Variants in MYOCD observed in about 807,000 individuals in gnomAD.
MYOCD encodes myocardin.
In MYOCD, 32 loss-of-function variants were observed where a neutral mutation model predicts 96.1. The observed-to-expected ratio is 0.33, with a 90% CI of 0.25 to 0.45. The LOEUF (loss-of-function observed/expected upper bound fraction) is 0.45, where lower values mean the gene tolerates loss of function less well. MYOCD is among the 20% of genes least tolerant of loss of function. MYOCD has a pLI of 1.00. For synonymous variants in MYOCD, 469 were observed against 469.0 expected (o/e 1.00, Z 0.00); for missense variants, 1,133 against 1,200.6 (o/e 0.94, Z 0.83).
intron 1 of MYOCD, 171 bp from the exon 2 acceptor site, chr17:12,704,957 G>A: frequency 3.4e-6 from 2 of 592,328 alleles, no homozygotes; most frequent in South Asian, 2.2e-5. Context: ...AACCTTCTCA[G>A]CTTCTCTCCT....
intron 2 of MYOCD, among the ~76,000 whole-genome samples, chr17:12,712,632 A>G (rs1332013844): frequency 6.6e-6 from 1 of 152,154 alleles, no homozygotes; most frequent in African/African-American, 2.4e-5. Context: ...CAAATTAGCG[A>G]TAGCTTTGGG....
chr17:12,691,952 A>G (rs2030470418), intron 1 of MYOCD, among the ~76,000 whole-genome samples: 1 of 152,234 alleles, frequency 6.6e-6, no homozygotes, highest in South Asian at 2.1e-4. Flanking sequence ...CAAGACTGGC[A>G]CTTTTCAATT....
intron 7 of MYOCD, among the ~76,000 whole-genome samples, chr17:12,743,710 C>G (rs1298608751): frequency 6.6e-6 from 1 of 151,984 alleles, no homozygotes. Flanking sequence ...TCAGGCTAGT[C>G]TCGAACTCAT....
chr17:12,714,875 C>A (rs978317373), intron 2 of MYOCD, among the ~76,000 whole-genome samples: 1 of 152,148 alleles, frequency 6.6e-6, no homozygotes, highest in African/African-American at 2.4e-5. Flanking sequence ...ATGCTCCTAG[C>A]CCTAACTGAT....
intron 7 of MYOCD, among the ~76,000 whole-genome samples, chr17:12,740,089 C>T (rs1026599364): frequency 1.3e-5 from 2 of 152,166 alleles, no homozygotes; most frequent in Admixed American, 6.5e-5. Flanking sequence ...GCTCCCGCCA[C>T]CATGCCCGGC....
intron 13 of MYOCD, 189 bp downstream of exon 13, chr17:12,760,896 C>A: frequency 1.8e-6 from 1 of 565,006 alleles, no homozygotes. Flanking sequence ...GTGGATGATT[C>A]CTCACTGCCT....
At position 12,736,301 on chromosome 17, in the gene MYOCD, G is replaced by T. The variant is rs779226555; in HGVS notation, c.556G>T (p.Asp186Tyr). ...AGSPPDAKAS[D>Y]TPSTGSLGTN... The stretch of plus-strand genomic sequence containing the variant: ...ATCCCCGCCAGACGCTAAAGCCTCA[G>T]ATACCCCTTCGACAGGTTCTCTGGG... Residue 186 changes from aspartate to tyrosine, a missense_variant, in exon 6 of 14, where the codon GAT (aspartate) becomes TAT (tyrosine). Asp to Tyr is a radical substitution (Grantham distance 160). Transcript: ENST00000425538. 6.2e-7 allele frequency: 1 copy of T among 1,614,188 alleles called. No homozygotes were observed. Among genetic ancestry groups the T allele is most frequent in the Non-Finnish European group, 8.5e-7 (1 of 1,180,028 alleles).
chr17:12,724,194 T>C (rs1349856746), intron 5 of MYOCD, among the ~76,000 whole-genome samples: 3 of 152,182 alleles, frequency 2.0e-5, no homozygotes, highest in Non-Finnish European at 2.9e-5. Flanking sequence ...GCATCTCTTA[T>C]TGTTTCTTAA....
At chr17:12,705,282 C>T (rs2031244973) in intron 2 of MYOCD, 89 bp downstream of exon 2, 3 of 848,964 alleles carry the variant, frequency 3.5e-6, no homozygotes, top group Non-Finnish European at 5.8e-6. Context: ...TTAGTTTAAG[C>T]CAATGCATTG....
At chr17:12,695,110 A>G (rs2030682524) in intron 1 of MYOCD, among the ~76,000 whole-genome samples, 1 of 152,202 alleles carries the variant, frequency 6.6e-6, no homozygotes, top group Admixed American at 6.5e-5. Context: ...TTTAGAGATG[A>G]TCTTAGTCCA....
intron 5 of MYOCD, among the ~76,000 whole-genome samples, chr17:12,730,173 C>T (rs778565857): frequency 6.6e-6 from 1 of 151,934 alleles, no homozygotes; most frequent in African/African-American, 2.4e-5. Flanking sequence ...AAAGGCCAGG[C>T]GTGGTGGCTC....
At chr17:12,741,607 G>T (rs1187019359) in intron 7 of MYOCD, among the ~76,000 whole-genome samples, 3 of 152,022 alleles carry the variant, frequency 2.0e-5, no homozygotes, top group Admixed American at 2.0e-4. Flanking sequence ...TACTCAGGAG[G>T]CTGAGGCAGG....
At chr17:12,670,829 G>A (rs1909668369) in intron 1 of MYOCD, among the ~76,000 whole-genome samples, 2 of 152,080 alleles carry the variant, frequency 1.3e-5, no homozygotes, top group African/African-American at 2.4e-5. Context: ...ACAATTTAAT[G>A]GACCTTAAAA....
chr17:12,705,278 T>A, intron 2 of MYOCD, 85 bp downstream of exon 2: 1 of 891,756 alleles, frequency 1.1e-6, no homozygotes, highest in Non-Finnish European at 1.8e-6. Flanking sequence ...TCATTTAGTT[T>A]AAGCCAATGC....
Position 12,666,121 on chromosome 17 carries a change from G to C in MYOCD, c.-68G>C. 8.1e-7 allele frequency: 1 copy of C among 1,241,070 alleles called. No homozygotes were observed. The highest frequency in any genetic ancestry group is 1.2e-6 in the Non-Finnish European group (1 of 844,598). 76.9% of individuals were successfully genotyped at this position (1,241,070 alleles called of 1,614,324 possible). A position where few individuals can be genotyped will look rare whatever the true frequency, so the allele number is the denominator to read the frequency against. On this transcript the variant is annotated 5_prime_UTR_variant, in exon 1 of 14. Transcript: ENST00000425538. ...GTTAGCTGCGGTCAGCTGGGCTCCC[G>C]GGAGCCTGTTGCTGGTGGAGAACAG...
chr17:12,702,632 T>A (rs1471520657), intron 1 of MYOCD, among the ~76,000 whole-genome samples: 2 of 152,000 alleles, frequency 1.3e-5, no homozygotes, highest in Admixed American at 1.3e-4. Context: ...ATTCCCCCTC[T>A]CTTGCCTTCT....
chr17:12,701,661 A>G (rs987871817), intron 1 of MYOCD, among the ~76,000 whole-genome samples: 3 of 152,150 alleles, frequency 2.0e-5, no homozygotes, highest in African/African-American at 4.8e-5. Flanking sequence ...TAATATAAGT[A>G]TTTAAAACTC....
At position 12,747,230 on chromosome 17, in the gene MYOCD, A is replaced by G. The variant is rs558612409; in HGVS notation, c.1125+1158A>G. On this transcript the variant is annotated intron_variant, in intron 9 of 13. Transcript: ENST00000425538. Reference sequence around the variant, plus strand: ...ACTGAGGCTTAAAGCTAAGTAACTTATTTCAAGGGCTTTGCTATTGTATGA... The same window carrying G: ...ACTGAGGCTTAAAGCTAAGTAACTTGTTTCAAGGGCTTTGCTATTGTATGA... 4.5e-4 allele frequency among the ~76,000 whole-genome samples: 69 copies of G among 152,300 alleles called. 1 individual carries two copies. The highest frequency in any genetic ancestry group is 1.6e-3 in the African/African-American group (68 of 41,584).
intron 12 of MYOCD, among the ~76,000 whole-genome samples, chr17:12,759,298 G>C (rs114024322): frequency 1.0e-3 from 157 of 152,278 alleles, no homozygotes; most frequent in African/African-American, 3.7e-3. Context: ...AAAAATTAGA[G>C]GATCTGGCAA....
Sources: gnomAD v4.1 joint callset for allele counts (sites outside exome capture counted in the v4.1 genomes callset) on GRCh38, gnomAD v4.1.1 for gene constraint, MANE v1.5 for transcripts, NCBI Gene and HGNC (gene_info 2026-07-23, HGNC 2026-07-21) for gene names.